The following ARHGAP10 variants were observed in gnomAD, a reference collection of about 807,000 sequenced individuals.
ARHGAP10 encodes Rho GTPase activating protein 10.
In ARHGAP10, 87 loss-of-function variants were observed where a neutral mutation model predicts 108.6. The ratio of observed to expected loss-of-function variants is 0.80; its 90% CI spans 0.67 to 0.96. The LOEUF (loss-of-function observed/expected upper bound fraction) is 0.96. ARHGAP10 is among the 40% of genes least tolerant of loss of function. The probability of loss-of-function intolerance (pLI) is 0.00; values close to 1 mark genes in which losing one functional copy is unlikely to be tolerated. For synonymous variants in ARHGAP10, 347 were observed against 341.1 expected (o/e 1.02, Z -0.19); for missense variants, 939 against 954.5 (o/e 0.98, Z 0.21).
intron 19 of ARHGAP10, among the ~76,000 whole-genome samples, chr4:148,024,650 C>T (rs1440113094): frequency 6.6e-6 from 1 of 152,202 alleles, no homozygotes; most frequent in Non-Finnish European, 1.5e-5. Context: ...AGAGGAAGGG[C>T]ATGAATCATT....
intron 1 of ARHGAP10, among the ~76,000 whole-genome samples, chr4:147,759,160 T>C (rs752537441): frequency 2.0e-5 from 3 of 152,194 alleles, no homozygotes; most frequent in African/African-American, 7.2e-5. Flanking sequence ...TAAACTATTG[T>C]AATAAAATAG....
chr4:147,837,643 G>GTTTTTTTTTTTGTTTTTT (rs1733223756), intron 3 of ARHGAP10, among the ~76,000 whole-genome samples: 1 of 70,220 alleles, frequency 1.4e-5, no homozygotes, highest in Non-Finnish European at 3.0e-5. Context: ...TCTGGTCACT[G>GTTTTTTTTTTTGTTTTTT]TTTTTTTTTT....
At position 148,054,091 on chromosome 4, in the gene ARHGAP10, T is replaced by C. The variant is rs553060749; in HGVS notation, c.2027+7040T>C. Among the ~76,000 whole-genome samples, 155 of 152,372 alleles carry C rather than the reference T, an allele frequency of 1.0e-3. 2 individuals are homozygous for C. In the South Asian group the frequency reaches 0.031, roughly 31 times the overall value. On this transcript the variant is annotated intron_variant, in intron 20 of 22. Coordinates refer to ENST00000336498, the MANE Select transcript of ARHGAP10 (RefSeq NM_024605.4). ...TTTAACTGGTTTTTGTTGTTAAAGA[T>C]TTTCTTACTTGATGCCATTGTTGTA...
chr4:147,840,747 T>C (rs1733378745), intron 3 of ARHGAP10, among the ~76,000 whole-genome samples: 1 of 152,220 alleles, frequency 6.6e-6, no homozygotes, highest in Admixed American at 6.5e-5. Context: ...GTAGATTGCT[T>C]ATCCCAGGCA....
chr4:147,763,601 C>T (rs949883851), intron 1 of ARHGAP10, among the ~76,000 whole-genome samples: 5 of 151,988 alleles, frequency 3.3e-5, no homozygotes, highest in Admixed American at 1.3e-4. Context: ...TGAGCCACTG[C>T]GCCTGGCCTG....
rs140330689 is a variant in ARHGAP10 at position 147,776,942 on chromosome 4, T to A, written c.154+44487T>A. Reference sequence around the variant, plus strand: ...GTGGGCTCTGTCCTACGAGAGAGCGTGTCTTTCCTTCCTGGTGGCCTGCAG... The same window carrying A: ...GTGGGCTCTGTCCTACGAGAGAGCGAGTCTTTCCTTCCTGGTGGCCTGCAG... On this transcript the variant is annotated intron_variant, in intron 1 of 22. Transcript: ENST00000336498. 2.3e-3 allele frequency among the ~76,000 whole-genome samples: 354 copies of A among 152,312 alleles called. 1 individual carries two copies. Among genetic ancestry groups the A allele is most frequent in the Non-Finnish European group, 3.9e-3 (262 of 68,022 alleles).
intron 13 of ARHGAP10, among the ~76,000 whole-genome samples, chr4:147,914,953 GA>G (rs2126924216): frequency 6.6e-6 from 1 of 152,220 alleles, no homozygotes; most frequent in Non-Finnish European, 1.5e-5. Flanking sequence ...GCTATTTCTG[GA>G]GGTTGACATT....
chr4:147,791,573 G>T, intron 1 of ARHGAP10, among the ~76,000 whole-genome samples: 1 of 148,176 alleles, frequency 6.7e-6, no homozygotes, highest in African/African-American at 2.6e-5. Flanking sequence ...TATATATTTT[G>T]TTTGTTTGTT....
chr4:147,885,893 TC>T (rs1735530399), intron 10 of ARHGAP10, among the ~76,000 whole-genome samples: 1 of 152,098 alleles, frequency 6.6e-6, no homozygotes, highest in Non-Finnish European at 1.5e-5. Context: ...AATGTTTAGC[TC>T]CCTAATCCTA....
intron 18 of ARHGAP10, among the ~76,000 whole-genome samples, chr4:147,996,831 T>G (rs536736258): frequency 2.0e-5 from 3 of 152,150 alleles, no homozygotes; most frequent in Admixed American, 6.5e-5. Context: ...CCTTAAGAGG[T>G]ACATGCACAG....
chr4:147,863,530 C>T (rs1429579197), intron 5 of ARHGAP10: 1 of 152,178 alleles, frequency 6.6e-6, no homozygotes, highest in African/African-American at 2.4e-5. Context: ...ACTTTGCCCC[C>T]TGCTGCTATG....
chr4:147,892,721 A>G (rs889212630), intron 10 of ARHGAP10, among the ~76,000 whole-genome samples: 6 of 152,234 alleles, frequency 3.9e-5, no homozygotes, highest in South Asian at 2.1e-4. Context: ...CACAGGAAGT[A>G]TGGAGAACAC....
chr4:147,857,541 T>TG lies in ARHGAP10; in HGVS notation c.385-12_385-11insG, dbSNP rs763898728. ...TGTTTCTGTTTAATCATAGTTTTTTTTTTATTTGTAGGAAGAAAAAAAGAA... is the reference window on the plus strand; with the variant it reads ...TGTTTCTGTTTAATCATAGTTTTTTTGTTTATTTGTAGGAAGAAAAAAAGAA... On this transcript the variant is annotated splice_polypyrimidine_tract_variant and intron_variant, in intron 4 of 22. Transcript: ENST00000336498. 1.4e-6 allele frequency: 2 copies of TG among 1,473,370 alleles called. No homozygotes were observed. Among genetic ancestry groups the TG allele is most frequent in the Non-Finnish European group, 1.8e-6 (2 of 1,111,052 alleles). 91.3% of individuals were successfully genotyped at this position (1,473,370 alleles called of 1,614,324 possible).
rs1739357091 is a variant in ARHGAP10 at position 147,970,287 on chromosome 4, C to T, written c.1716+3448C>T. 2.6e-5 allele frequency among the ~76,000 whole-genome samples: 4 copies of T among 152,124 alleles called. No homozygotes were observed. In the South Asian group the frequency reaches 8.3e-4, roughly 31 times the overall value. On this transcript the variant is annotated intron_variant, in intron 18 of 22. Transcript: ENST00000336498. ...AAGTATACCCTTCAGAGGATCCTAA[C>T]ATTTGACTGTAGAGTGGGGAGGGAA...
In ARHGAP10 at chr4:148,063,174, TCCA is replaced by T. The variant is rs1424629540; in HGVS notation, c.2055_2057del (p.Gln686del). ...CCAGGCCAGACCCGATCGTCTATGG[TCCA>T]GTGGCTTAACCCACAGTCTCCAACC... is the stretch of plus-strand genomic sequence containing the variant. On this transcript the variant is annotated inframe_deletion, in exon 21 of 23. Transcript: ENST00000336498. 1.2e-6 allele frequency: 2 copies of T among 1,614,060 alleles called. No individual in the cohort carries two copies. The highest frequency in any genetic ancestry group is 4.5e-5 in the East Asian group (2 of 44,894).
intron 10 of ARHGAP10, among the ~76,000 whole-genome samples, chr4:147,888,702 A>G (rs879923082): frequency 6.6e-6 from 1 of 152,212 alleles, no homozygotes; most frequent in African/African-American, 2.4e-5. Context: ...ACAGAGAAAC[A>G]TCTATTCTGG....
chr4:147,763,597 A>C (rs547777566), intron 1 of ARHGAP10, among the ~76,000 whole-genome samples: 8 of 152,208 alleles, frequency 5.3e-5, no homozygotes, highest in African/African-American at 1.9e-4. Context: ...GGTGTGAGCC[A>C]CTGCGCCTGG....
At position 147,877,819 on chromosome 4, in the gene ARHGAP10, C is replaced by CTTTTT. The variant is rs549355620; in HGVS notation, c.833-1402_833-1398dup. The stretch of plus-strand genomic sequence containing the variant: ...AGTCTTAGATTTCTTATTCTTCATA[C>CTTTTT]TTTTTTTTTTTTTTTGCTGAGATTA... On this transcript the variant is annotated intron_variant, in intron 8 of 22. Coordinates refer to ENST00000336498, the MANE Select transcript of ARHGAP10 (RefSeq NM_024605.4). 3.4e-4 allele frequency among the ~76,000 whole-genome samples: 45 copies of CTTTTT among 131,466 alleles called. No individual in the cohort carries two copies. The South Asian group carries it at 8.9e-3, about 26-fold the overall frequency. 86.2% of individuals were successfully genotyped at this position (131,466 alleles called of 152,430 possible). A position where few individuals can be genotyped will look rare whatever the true frequency, so the allele number is the denominator to read the frequency against.
intron 18 of ARHGAP10, among the ~76,000 whole-genome samples, chr4:148,012,756 C>T (rs140083257): frequency 6.4e-4 from 98 of 152,216 alleles, no homozygotes; most frequent in Admixed American, 3.9e-3. Flanking sequence ...TAACCAGGGG[C>T]TGAATAAATT....
Sources: gnomAD v4.1 joint callset for allele counts (sites outside exome capture counted in the v4.1 genomes callset) on GRCh38, gnomAD v4.1.1 for gene constraint, MANE v1.5 for transcripts, NCBI Gene and HGNC (gene_info 2026-07-23, HGNC 2026-07-21) for gene names.